Variants in MAPK8IP3 observed in about 807,000 individuals in gnomAD.
MAPK8IP3 encodes C-Jun-amino-terminal kinase-interacting protein 3.
In MAPK8IP3, 49 loss-of-function variants were observed where a neutral mutation model predicts 157.8. The ratio of observed to expected loss-of-function variants is 0.31; its 90% CI spans 0.25 to 0.39. The LOEUF (loss-of-function observed/expected upper bound fraction) is 0.39. Among genes scored for constraint, MAPK8IP3 ranks in the 10% least tolerant of loss-of-function variants. MAPK8IP3 has a pLI of 1.00. For synonymous variants in MAPK8IP3, 897 were observed against 777.7 expected, an observed-to-expected ratio of 1.15 and a Z score of -2.55; for missense variants, 1,478 against 1,889.4, an observed-to-expected ratio of 0.78 and a Z score of 4.04.
chr16:1,766,555 G>A lies in MAPK8IP3; in HGVS notation c.2846G>A (p.Ser949Asn). ...GAGAACGGGCCAGAGCCTGACAGCA[G>A]CAGCACACGGCCAGAGCCAGAGCCC... The part of the protein sequence containing the change: ...GSENGPEPDS[S>N]STRPEPEPSG... Residue 949 changes from serine (S) to asparagine (N), a missense_variant, in exon 23 of 32, where the codon AGC becomes AAC. By Grantham distance (46) the Ser-to-Asn change is conservative (BLOSUM62 1). Around this residue, in one of 11 missense-constraint regions of MAPK8IP3, gnomAD observed 669 missense variants for 759.8 expected, o/e 0.88. Transcript: ENST00000610761. 1 of 1,612,200 alleles carries A rather than the reference G, an allele frequency of 6.2e-7. No homozygotes were observed. Among genetic ancestry groups the A allele is most frequent in the Non-Finnish European group, 8.5e-7 (1 of 1,179,874 alleles).
chr16:1,732,881 G>A (rs2039409439), intron 4 of MAPK8IP3, among the ~76,000 whole-genome samples: 1 of 152,218 alleles, frequency 6.6e-6, no homozygotes. Flanking sequence ...CCCACCTGGA[G>A]CACCATGAGA....
In MAPK8IP3 at chr16:1,748,327, C is replaced by G. The variant is rs1196800252; in HGVS notation, c.1078C>G (p.Leu360Val). Residue 360 changes from leucine to valine, a missense_variant, in exon 7 of 32, where the codon CTG becomes GTG. Leu to Val is a conservative substitution (Grantham distance 32). Around this residue, in one of 11 missense-constraint regions of MAPK8IP3, gnomAD observed 315 missense variants for 394.4 expected, o/e 0.80. Transcript: ENST00000610761. ...PELDMCPETR[L>V]DRTGSSPTQG... ...GCTGGACATGTGTCCAGAGACCCGC[C>G]TGGACCGCACAGGAAGCAGGTACTG... The G allele has an allele frequency of 3.1e-6, 5 of 1,613,724 alleles. No homozygotes were observed. Among genetic ancestry groups the G allele is most frequent in the Non-Finnish European group, 2.5e-6 (3 of 1,180,002 alleles).
Position 1,768,257 on chromosome 16 carries a change from G to A in MAPK8IP3, c.3621G>A (p.Val1207=). ...CCCGTCCCGGGGGCATCATCCACGT[G>A]TATGGCGATGACAGCAGTGACAGGG... is the stretch of plus-strand genomic sequence containing the variant. ...EGARPGGIIH[V]YGDDSSDRAA... Residue 1207 remains valine (V), a synonymous_variant, in exon 30 of 32, where the codon GTG becomes GTA. Coordinates refer to ENST00000610761, the MANE Select transcript of MAPK8IP3 (RefSeq NM_001318852.2). 1 of 1,612,280 alleles carries A rather than the reference G, an allele frequency of 6.2e-7. No homozygotes were observed. The highest frequency in any genetic ancestry group is 8.5e-7 in the Non-Finnish European group (1 of 1,179,990).
chr16:1,748,443 C>T (rs1596709748), intron 7 of MAPK8IP3, 97 bp downstream of exon 7: 1 of 1,222,566 alleles, frequency 8.2e-7, no homozygotes, highest in Non-Finnish European at 1.2e-6. Context: ...CTGGGAGAAC[C>T]ATCAAGGCTG....
chr16:1,768,529 C>A lies in MAPK8IP3; in HGVS notation c.3795C>A (p.Gly1265=), dbSNP rs2042416784. 1 of 1,559,584 alleles carries A rather than the reference C, an allele frequency of 6.4e-7. No homozygotes were observed. Among genetic ancestry groups the A allele is most frequent in the African/African-American group, 1.4e-5 (1 of 73,688 alleles). The change falls in exon 31 of 32, where the codon GGC becomes GGA. Residue 1265 remains glycine, a synonymous_variant. Transcript: ENST00000610761. Reference sequence around the variant, plus strand: ...GTGTGCTGGACAGCCCAGCCGAGGGCCCTGGGCCAGCTGCCCCTGCCTCGG... The same window carrying A: ...GTGTGCTGGACAGCCCAGCCGAGGGACCTGGGCCAGCTGCCCCTGCCTCGG... ...NGSVLDSPAE[G]PGPAAPASEV... is the part of the protein sequence containing the mutation.
intron 16 of MAPK8IP3, among the ~76,000 whole-genome samples, chr16:1,763,443 C>T (rs1453100807): frequency 6.6e-6 from 1 of 152,234 alleles, no homozygotes; most frequent in African/African-American, 2.4e-5. Flanking sequence ...CCTCCAAGCC[C>T]AGGGGCATAG....
intron 4 of MAPK8IP3, among the ~76,000 whole-genome samples, chr16:1,730,044 C>CAA (rs58933347): frequency 0.028 from 1,328 of 46,930 alleles, 90 homozygotes; most frequent in South Asian, 0.068. Context: ...CTTGTCTCTA[C>CAA]AAAAAAAAAA....
chr16:1,723,388 C>T (rs1445804549), intron 1 of MAPK8IP3, among the ~76,000 whole-genome samples: 4 of 152,040 alleles, frequency 2.6e-5, no homozygotes, highest in Admixed American at 6.6e-5. Flanking sequence ...CCATGTTGGT[C>T]AGGCTGGTCT....
At chr16:1,735,258 G>A (rs73501646) in intron 4 of MAPK8IP3, among the ~76,000 whole-genome samples, 3,299 of 152,094 alleles carry the variant, frequency 0.022, 144 homozygotes, top group African/African-American at 0.075. Context: ...GTGAGCATCC[G>A]TGTGAGCATG....
intron 19 of MAPK8IP3, 117 bp downstream of exon 19, chr16:1,764,576 CA>C: frequency 7.3e-7 from 1 of 1,364,550 alleles, no homozygotes; most frequent in Non-Finnish European, 9.9e-7. Context: ...GGAAGCAGGG[CA>C]GCGCAGGGGC....
In MAPK8IP3 at chr16:1,763,769, G is replaced by GC; in HGVS notation, c.2013dup (p.Lys672GlnfsTer52). 1 of 1,545,118 alleles carries GC rather than the reference G, an allele frequency of 6.5e-7. No homozygotes were observed. Among genetic ancestry groups the GC allele is most frequent in the Non-Finnish European group, 8.8e-7 (1 of 1,140,882 alleles). ...GCAGGCCTGCGGCTGGAGCCTGCCC[G>GC]CCAAGTACAAGCAGGTGCGGGCGGG... On this transcript the variant is annotated frameshift_variant, in exon 17 of 32. Transcript: ENST00000610761. LOFTEE classifies it high-confidence loss of function.
At position 1,724,989 on chromosome 16, in the gene MAPK8IP3, C is replaced by T. The variant is rs1302363936; in HGVS notation, c.439+312C>T. 1.3e-5 allele frequency among the ~76,000 whole-genome samples: 2 copies of T among 152,088 alleles called. No individual in the cohort carries two copies. Among genetic ancestry groups the T allele is most frequent in the African/African-American group, 2.4e-5 (1 of 41,400 alleles). ...ATCTTTTGAACAGAGCTCCTGCAGC[C>T]CCTGGGGTCCCCACCTCTTCACACT... On this transcript the variant is annotated intron_variant, in intron 2 of 31. Coordinates refer to ENST00000610761, the MANE Select transcript of MAPK8IP3 (RefSeq NM_001318852.2). The surrounding 1 kb of genome is among the most constrained non-coding windows in gnomAD (Gnocchi z 4.1).
intron 1 of MAPK8IP3, among the ~76,000 whole-genome samples, chr16:1,716,244 A>G (rs1483888829): frequency 6.6e-6 from 1 of 151,786 alleles, no homozygotes; most frequent in African/African-American, 2.4e-5. Context: ...ATATCATTCT[A>G]TGGAATACTG....
chr16:1,755,408 A>T (rs1449246468), intron 8 of MAPK8IP3, among the ~76,000 whole-genome samples: 1 of 152,228 alleles, frequency 6.6e-6, no homozygotes, highest in East Asian at 1.9e-4. Flanking sequence ...CTGTGGTCCT[A>T]GCTACTTGGG....
chr16:1,718,597 C>T (rs530099854), intron 1 of MAPK8IP3, among the ~76,000 whole-genome samples: 338 of 151,696 alleles, frequency 2.2e-3, no homozygotes, highest in Non-Finnish European at 4.1e-3. Flanking sequence ...AGTTCAAGAG[C>T]AGCCTGGCCA....
At chr16:1,731,476 G>C (rs1304117590) in intron 4 of MAPK8IP3, among the ~76,000 whole-genome samples, 1 of 152,224 alleles carries the variant, frequency 6.6e-6, no homozygotes, top group Non-Finnish European at 1.5e-5. Context: ...CTCCTACCCA[G>C]ATGCCCGGAG....
intron 4 of MAPK8IP3, among the ~76,000 whole-genome samples, chr16:1,734,720 A>G (rs893223076): frequency 6.6e-6 from 1 of 152,222 alleles, no homozygotes; most frequent in Non-Finnish European, 1.5e-5. Context: ...CTGTCCTGCC[A>G]CAACCTTTGG....
intron 4 of MAPK8IP3, among the ~76,000 whole-genome samples, chr16:1,736,197 AGCATG>A (rs2039786443): frequency 1.1e-5 from 1 of 87,082 alleles, no homozygotes; most frequent in African/African-American, 4.6e-5. Context: ...CGTCCGTGTG[AGCATG>A]TGTGACCATC....
chr16:1,757,040 G>T (rs1450859954), intron 8 of MAPK8IP3, among the ~76,000 whole-genome samples: 1 of 152,158 alleles, frequency 6.6e-6, no homozygotes, highest in Non-Finnish European at 1.5e-5. Flanking sequence ...ATCTGCTCTC[G>T]AATTGGGAAT....
Sources: gnomAD v4.1 joint callset for allele counts (sites outside exome capture counted in the v4.1 genomes callset) on GRCh38, gnomAD v4.1.1 for gene constraint, gnomAD v4.1.1 regional missense constraint, Gnocchi (gnomAD v3.1) non-coding constraint, MANE v1.5 for transcripts, NCBI Gene and HGNC (gene_info 2026-07-23, HGNC 2026-07-21) for gene names.